The following CPQ variants were observed in gnomAD, a reference collection of about 807,000 sequenced individuals.
The protein encoded by CPQ is carboxypeptidase Q.
In CPQ, 37 loss-of-function variants were observed where a neutral mutation model predicts 45.7. That is an observed-to-expected ratio of 0.81 (90% confidence interval 0.62 to 1.07). CPQ has a LOEUF of 1.07. Ranked by LOEUF, CPQ falls within the 50% of genes least tolerant of loss-of-function variation. CPQ has a pLI of 0.00. For synonymous variants in CPQ, 186 were observed against 205.8 expected, an observed-to-expected ratio of 0.90 and a Z score of 0.82; for missense variants, 537 against 572.9, an observed-to-expected ratio of 0.94 and a Z score of 0.64.
intron 1 of CPQ, among the ~76,000 whole-genome samples, chr8:96,696,463 A>T (rs1422783506): frequency 6.6e-6 from 1 of 151,940 alleles, no homozygotes; most frequent in Non-Finnish European, 1.5e-5. Context: ...AAAAAAAAAG[A>T]ACTAGAAAAG....
At chr8:96,854,327 C>A (rs1457980268) in intron 3 of CPQ, among the ~76,000 whole-genome samples, 1 of 151,000 alleles carries the variant, frequency 6.6e-6, no homozygotes, top group Non-Finnish European at 1.5e-5. Flanking sequence ...GTCAGGAGAT[C>A]GAGACCATCC....
intron 7 of CPQ, among the ~76,000 whole-genome samples, chr8:97,139,623 A>T (rs1812121380): frequency 6.6e-6 from 1 of 152,144 alleles, no homozygotes; most frequent in Non-Finnish European, 1.5e-5. Context: ...GAAAATTAAA[A>T]AAATGCATTC....
At chr8:96,711,404 G>A (rs186177259) in intron 1 of CPQ, among the ~76,000 whole-genome samples, 3 of 152,154 alleles carry the variant, frequency 2.0e-5, no homozygotes, top group Admixed American at 6.5e-5. Context: ...TCCACTGTGC[G>A]GTTGTTTTAT....
At position 96,645,354 on chromosome 8, in the gene CPQ, T is replaced by G. The variant is rs528850549; in HGVS notation, c.-83T>G. 161 of 152,668 alleles carry G rather than the reference T, an allele frequency of 1.1e-3. No individual in the cohort carries two copies. The highest frequency in any genetic ancestry group is 3.5e-3 in the African/African-American group (146 of 41,580). 9.5% of individuals were successfully genotyped at this position (152,668 alleles called of 1,614,324 possible). Reference sequence around the variant, plus strand: ...GCCACCGTAAGGCTAGGCCGCGAGCTTAGTCCTGGGAGCCGCCTCCGTCGC... The same window carrying G: ...GCCACCGTAAGGCTAGGCCGCGAGCGTAGTCCTGGGAGCCGCCTCCGTCGC... On this transcript the variant is annotated 5_prime_UTR_variant, in exon 1 of 8. Coordinates refer to ENST00000220763, the MANE Select transcript of CPQ (RefSeq NM_016134.4).
intron 6 of CPQ, among the ~76,000 whole-genome samples, chr8:97,061,639 G>A (rs534678366): frequency 8.5e-5 from 13 of 152,230 alleles, no homozygotes; most frequent in African/African-American, 3.1e-4. Flanking sequence ...GCACACTCAT[G>A]GGATGAGCTG....
At chr8:96,837,823 T>C (rs954861308) in intron 3 of CPQ, among the ~76,000 whole-genome samples, 1 of 152,186 alleles carries the variant, frequency 6.6e-6, no homozygotes, top group Admixed American at 6.6e-5. Context: ...TGGTCCTTTA[T>C]TGCTTTTTTC....
chr8:96,713,777 A>G (rs116363560), intron 1 of CPQ, among the ~76,000 whole-genome samples: 66 of 152,304 alleles, frequency 4.3e-4, no homozygotes, highest in Admixed American at 1.2e-3. Flanking sequence ...TATGGAGCAT[A>G]TTGACCTATT....
intron 1 of CPQ, among the ~76,000 whole-genome samples, chr8:96,784,166 G>T (rs1002055727): frequency 2.6e-5 from 4 of 151,916 alleles, no homozygotes; most frequent in Non-Finnish European, 4.4e-5. Flanking sequence ...CTATATAAAT[G>T]CTTCCTGTTA....
chr8:96,757,687 C>T (rs1052720558), intron 1 of CPQ, among the ~76,000 whole-genome samples: 5 of 151,924 alleles, frequency 3.3e-5, no homozygotes, highest in African/African-American at 9.7e-5. Flanking sequence ...GAGATGATGA[C>T]CTTTTACATA....
At chr8:97,127,699 AAAAAAAGAAAAAGAAATAC>A (rs1404319032) in intron 7 of CPQ, among the ~76,000 whole-genome samples, 2 of 152,192 alleles carry the variant, frequency 1.3e-5, no homozygotes, top group Admixed American at 1.3e-4. Context: ...AAAAAAAATG[AAAAAAAGAAAAAGAAATAC>A]AAATTAAAAC....
At chr8:96,937,771 CTT>C (rs1248364055) in intron 4 of CPQ, among the ~76,000 whole-genome samples, 2 of 152,172 alleles carry the variant, frequency 1.3e-5, no homozygotes, top group East Asian at 1.9e-4. Flanking sequence ...TCCCTTCCCT[CTT>C]ATTACTAAAC....
At chr8:96,704,445 A>T (rs1809507108) in intron 1 of CPQ, among the ~76,000 whole-genome samples, 1 of 152,200 alleles carries the variant, frequency 6.6e-6, no homozygotes, top group Non-Finnish European at 1.5e-5. Flanking sequence ...ATTTTGAATT[A>T]GTATGGACAA....
intron 4 of CPQ, among the ~76,000 whole-genome samples, chr8:96,960,633 C>T (rs949193898): frequency 6.6e-6 from 1 of 152,152 alleles, no homozygotes; most frequent in Non-Finnish European, 1.5e-5. Flanking sequence ...CGTACCTGAT[C>T]ACCTCCTCCT....
intron 7 of CPQ, 77 bp downstream of exon 7, chr8:97,066,287 C>A: frequency 7.6e-7 from 1 of 1,312,982 alleles, no homozygotes; most frequent in Non-Finnish European, 1.1e-6. Context: ...TAATAGAGCA[C>A]AATGAATACT....
At chr8:96,946,360 C>A (rs1316409972) in intron 4 of CPQ, among the ~76,000 whole-genome samples, 1 of 152,076 alleles carries the variant, frequency 6.6e-6, no homozygotes, top group East Asian at 1.9e-4. Flanking sequence ...TTTGGGACTT[C>A]TAGATTTAAT....
At chr8:97,014,805 A>C (rs567645109) in intron 5 of CPQ, among the ~76,000 whole-genome samples, 35 of 152,316 alleles carry the variant, frequency 2.3e-4, no homozygotes, top group African/African-American at 7.9e-4. Context: ...CTAATTTTAT[A>C]CACAAGGAAA....
intron 4 of CPQ, among the ~76,000 whole-genome samples, chr8:96,907,918 A>G (rs1812599525): frequency 6.6e-6 from 1 of 152,158 alleles, no homozygotes; most frequent in Non-Finnish European, 1.5e-5. Context: ...TTGTGACATA[A>G]TGAATCTCAA....
At chr8:97,083,849 T>C (rs1364738356) in intron 7 of CPQ, among the ~76,000 whole-genome samples, 3 of 152,176 alleles carry the variant, frequency 2.0e-5, no homozygotes, top group Non-Finnish European at 2.9e-5. Flanking sequence ...GTGAAGATAG[T>C]ATGTATCCCA....
At chr8:96,873,789 A>T (rs998873581) in intron 3 of CPQ, among the ~76,000 whole-genome samples, 5 of 151,890 alleles carry the variant, frequency 3.3e-5, no homozygotes, top group Admixed American at 1.3e-4. Flanking sequence ...TATATTCTTC[A>T]TTGAGATATA....
Sources: gnomAD v4.1 joint callset for allele counts (sites outside exome capture counted in the v4.1 genomes callset) on GRCh38, gnomAD v4.1.1 for gene constraint, MANE v1.5 for transcripts, NCBI Gene and HGNC (gene_info 2026-07-23, HGNC 2026-07-21) for gene names.